Variants in SMARCA4 observed in about 807,000 individuals in gnomAD.
SMARCA4 encodes SWI/SNF-related matrix-associated actin-dependent regulator of chromatin subfamily A member 4.
In SMARCA4, 31 loss-of-function variants were observed where a neutral mutation model predicts 193.9. That is an observed-to-expected ratio of 0.16 (90% CI 0.12 to 0.22). The LOEUF is 0.22. Among genes scored for constraint, SMARCA4 ranks in the 10% least tolerant of loss-of-function variants. SMARCA4 has a pLI of 1.00. For missense variants in SMARCA4, 1,148 were observed against 2,296.0 expected (o/e 0.50, Z 10.22); for synonymous variants, 942 against 933.1 (o/e 1.01, Z -0.17).
chr19:10,977,841 C>T (rs1175274644), intron 1 of SMARCA4: 1 of 152,446 alleles, frequency 6.6e-6, no homozygotes. Context: ...ATGTTCCAGC[C>T]TGTGGAGGAG....
chr19:11,061,204 A>AAAAAAAAATATATATATAT (rs1555797070), intron 34 of SMARCA4, among the ~76,000 whole-genome samples: 1 of 45,222 alleles, frequency 2.2e-5, no homozygotes, highest in African/African-American at 1.1e-4. Flanking sequence ...AAAAAAAAAA[A>AAAAAAAAATATATATATAT]ATATATATAT....
rs369074556 is a variant in SMARCA4, at chr19:11,037,444, C to G, written c.4170+2312C>G. Among the ~76,000 whole-genome samples the G allele has an allele frequency of 2.0e-5, 3 of 152,170 alleles. No homozygotes were observed. In the East Asian group the frequency reaches 5.8e-4, roughly 29 times the overall value. On this transcript the variant is annotated intron_variant, in intron 29 of 34. Coordinates refer to ENST00000344626, the MANE Select transcript of SMARCA4 (RefSeq NM_003072.5). ...GTATCTGTTCATATGCTTCTTGGCC[C>G]TTTGTGTATCCTCTAGAAAGAGATG...
At chr19:11,003,711 A>ATTTT (rs1163471174) in intron 13 of SMARCA4, among the ~76,000 whole-genome samples, 2 of 135,832 alleles carry the variant, frequency 1.5e-5, no homozygotes, top group Admixed American at 7.3e-5. Context: ...TCATTTGCCC[A>ATTTT]TTTTTTTTTT....
intron 30 of SMARCA4, among the ~76,000 whole-genome samples, chr19:11,049,422 G>A (rs1042673034): frequency 2.6e-5 from 4 of 152,044 alleles, no homozygotes; most frequent in Non-Finnish European, 5.9e-5. Flanking sequence ...CTGTGGCTTC[G>A]GGTCAGGTTC....
chr19:10,971,004 T>C (rs1317483302), intron 1 of SMARCA4, among the ~76,000 whole-genome samples: 4 of 151,938 alleles, frequency 2.6e-5, no homozygotes, highest in Non-Finnish European at 2.9e-5. Context: ...TTTGAGACCA[T>C]CCTGACCAAC....
intron 32 of SMARCA4, 66 bp from the exon 33 acceptor site, chr19:11,059,687 G>A (rs2147110414): frequency 1.3e-6 from 2 of 1,529,958 alleles, no homozygotes; most frequent in South Asian, 1.2e-5. Context: ...TGGGGCTGGG[G>A]CCAGGGCCGG....
intron 29 of SMARCA4, among the ~76,000 whole-genome samples, chr19:11,035,752 G>A (rs1253295080): frequency 2.6e-5 from 4 of 152,216 alleles, no homozygotes; most frequent in Non-Finnish European, 5.9e-5. Flanking sequence ...TCAGTCGTGC[G>A]GTGCTCCTGG....
chr19:11,059,454 T>G (rs1016374801), intron 32 of SMARCA4, among the ~76,000 whole-genome samples: 1 of 152,266 alleles, frequency 6.6e-6, no homozygotes, highest in Non-Finnish European at 1.5e-5. Flanking sequence ...CCAATGTTAT[T>G]GCAGACCTCA....
chr19:11,003,247 T>C (rs1388096967), intron 12 of SMARCA4, 88 bp downstream of exon 12: 3 of 1,607,280 alleles, frequency 1.9e-6, no homozygotes, highest in Non-Finnish European at 2.6e-6. Flanking sequence ...GGAGCAATTT[T>C]ACTTCTGTTT....
intron 30 of SMARCA4, among the ~76,000 whole-genome samples, chr19:11,050,252 G>T (rs530881540): frequency 5.3e-5 from 8 of 152,328 alleles, no homozygotes; most frequent in African/African-American, 1.9e-4. Context: ...CCAGGCTGCC[G>T]CAGCTAAGCC....
At chr19:11,046,222 CAAAAA>C (rs574819439) in intron 30 of SMARCA4, among the ~76,000 whole-genome samples, 1 of 83,594 alleles carries the variant, frequency 1.2e-5, no homozygotes, top group Non-Finnish European at 2.6e-5. Context: ...GACTCCGTCT[CAAAAA>C]AAAAAAAAAA....
At chr19:11,009,874 A>G (rs901004568) in intron 14 of SMARCA4, among the ~76,000 whole-genome samples, 1 of 152,004 alleles carries the variant, frequency 6.6e-6, no homozygotes, top group African/African-American at 2.4e-5. Flanking sequence ...TTTTTAGTAG[A>G]GACGGGGTTT....
At chr19:11,013,819 C>CAGGT (rs2089092124) in intron 16 of SMARCA4, among the ~76,000 whole-genome samples, 1 of 152,172 alleles carries the variant, frequency 6.6e-6, no homozygotes, top group African/African-American at 2.4e-5. Flanking sequence ...CAGCATGGCC[C>CAGGT]AGGTCCTTGG....
intron 1 of SMARCA4, chr19:10,961,731 T>A (rs990149211): frequency 6.6e-6 from 1 of 152,142 alleles, no homozygotes; most frequent in African/African-American, 2.4e-5. Context: ...CAAGGAAAGG[T>A]AAAGGACTCC....
At chr19:11,002,799 C>CAA (rs747143883) in intron 11 of SMARCA4, among the ~76,000 whole-genome samples, 170 of 83,122 alleles carry the variant, frequency 2.0e-3, no homozygotes, top group East Asian at 3.3e-3. Flanking sequence ...GACTCCGTCT[C>CAA]AAAAAAAAAA....
At chr19:11,048,105 A>G (rs2076053286) in intron 30 of SMARCA4, among the ~76,000 whole-genome samples, 1 of 152,204 alleles carries the variant, frequency 6.6e-6, no homozygotes. Flanking sequence ...ACACAGCTGC[A>G]CCAGGCTGAG....
At chr19:11,028,865 G>A (rs762839842) in intron 24 of SMARCA4, among the ~76,000 whole-genome samples, 10 of 149,248 alleles carry the variant, frequency 6.7e-5, no homozygotes, top group Non-Finnish European at 1.2e-4. Flanking sequence ...GGCTCAGCCA[G>A]TTTGTTGTTC....
chr19:11,019,593 A>G lies in SMARCA4; in HGVS notation c.2508A>G (p.Gly836=). ...TGTGCATCCTGCTTCCCTTGCAGGGATCCCCAGCAGCAAGACGGGCCTTTG... is the reference window on the plus strand; with the variant it reads ...TGTGCATCCTGCTTCCCTTGCAGGGGTCCCCAGCAGCAAGACGGGCCTTTG... The part of the protein sequence containing the change: ...APSVVKVSYK[G]SPAARRAFVP... Residue 836 remains glycine (G), a splice_region_variant and synonymous_variant, in exon 18 of 35, where the codon GGA becomes GGG. Transcript: ENST00000344626. This position sits in a 1 kb window ranked among gnomAD's most constrained non-coding sequence, Gnocchi z 6.1. The G allele has an allele frequency of 6.2e-7, 1 of 1,606,620 alleles. No individual in the cohort carries two copies. The highest frequency in any genetic ancestry group is 8.5e-7 in the Non-Finnish European group (1 of 1,175,086).
rs147266435 is a variant in SMARCA4 at position 10,973,109 on chromosome 19, C to CAA, written c.-31-10998_-31-10997dup. On this transcript the variant is annotated intron_variant, in intron 1 of 34. Transcript: ENST00000344626. ...GGGTGACAGAGCCAGAGTCCATCTA[C>CAA]AAAAAAAAAAAAAAAGAATGGGGTT... Among the ~76,000 whole-genome samples the CAA allele has an allele frequency of 8.7e-5, 8 of 92,212 alleles. No homozygotes were observed. In the East Asian group the frequency reaches 1.1e-3, roughly 13 times the overall value. 60.5% of individuals were successfully genotyped at this position (92,212 alleles called of 152,430 possible).
Sources: gnomAD v4.1 joint callset for allele counts (sites outside exome capture counted in the v4.1 genomes callset) on GRCh38, gnomAD v4.1.1 for gene constraint, Gnocchi (gnomAD v3.1) non-coding constraint, MANE v1.5 for transcripts, NCBI Gene and HGNC (gene_info 2026-07-23, HGNC 2026-07-21) for gene names.